KIRREL3: variants seen among roughly 807,000 people sequenced by gnomAD.
The protein encoded by KIRREL3 is kirre like nephrin family adhesion molecule 3.
KIRREL3 carries 36 observed loss-of-function variants against 89.7 expected under a neutral mutation model. That is an observed-to-expected ratio of 0.40 (90% CI 0.31 to 0.53). The LOEUF (loss-of-function observed/expected upper bound fraction) is 0.53, where lower values mean the gene tolerates loss of function less well. KIRREL3 is among the 20% of genes least tolerant of loss of function. KIRREL3 has a pLI of 0.49. For missense variants in KIRREL3, 864 were observed against 1,056.6 expected (o/e 0.82, Z 2.53); for synonymous variants, 445 against 441.4 (o/e 1.01, Z -0.10).
chr11:126,473,282 ACCCACC>A, intron 5 of KIRREL3, 21 bp downstream of exon 5: 3 of 477,042 alleles, frequency 6.3e-6, no homozygotes, highest in Non-Finnish European at 7.9e-6. Flanking sequence ...GCCCGTCCAC[ACCCACC>A]CCCTCCCCTC....
At chr11:126,616,029 G>A (rs972431675) in intron 1 of KIRREL3, among the ~76,000 whole-genome samples, 1 of 152,138 alleles carries the variant, frequency 6.6e-6, no homozygotes, top group Non-Finnish European at 1.5e-5. Flanking sequence ...TAGTGTGTCC[G>A]TTCACTTCAC....
chr11:126,660,726 T>A (rs1945360649), intron 1 of KIRREL3, among the ~76,000 whole-genome samples: 1 of 152,128 alleles, frequency 6.6e-6, no homozygotes, highest in Non-Finnish European at 1.5e-5. Flanking sequence ...CAGTAAACCA[T>A]AAAACTGTCC....
chr11:126,681,895 G>A, intron 1 of KIRREL3: 1 of 455,180 alleles, frequency 2.2e-6, no homozygotes, highest in Non-Finnish European at 4.4e-6. Flanking sequence ...GTACGTTTAG[G>A]AAGATGAAAT....
rs1439644782 is a variant in KIRREL3, at chr11:126,923,263, T to TCTTCTCCTTCTC, written c.55+77180_55+77191dup. Among the ~76,000 whole-genome samples the TCTTCTCCTTCTC allele has an allele frequency of 1.8e-4, 10 of 56,644 alleles. 2 individuals are homozygous for TCTTCTCCTTCTC. Among genetic ancestry groups the TCTTCTCCTTCTC allele is most frequent in the African/African-American group, 3.3e-4 (4 of 12,128 alleles). The allele number at this position is 56,644 out of a possible 152,430, so 37.2% of individuals were successfully genotyped here. A position where few individuals can be genotyped will look rare whatever the true frequency, so the allele number is the denominator to read the frequency against. ...TTCTTCTTCTTCTTCTTCTTCTTCT[T>TCTTCTCCTTCTC]CTTCTCCTTCTCCTTCTCCTTCTCC... is the stretch of plus-strand genomic sequence containing the variant. On this transcript the variant is annotated intron_variant, in intron 1 of 16. Coordinates refer to ENST00000525144, the MANE Select transcript of KIRREL3 (RefSeq NM_032531.4).
intron 1 of KIRREL3, among the ~76,000 whole-genome samples, chr11:126,813,415 A>T (rs971320846): frequency 6.6e-6 from 1 of 152,136 alleles, no homozygotes; most frequent in African/African-American, 2.4e-5. Flanking sequence ...TCCCTCACTA[A>T]GCTCCTTATC....
At position 126,647,784 on chromosome 11, in the gene KIRREL3, C is replaced by CTAAG. The variant is rs1944749572; in HGVS notation, c.56-84876_56-84873dup. ...CAGTCTGAGTAGTGCTTTTAAAAAC[C>CTAAG]TAAGTCAGAGGGAGCCGTTCCTTTG... On this transcript the variant is annotated intron_variant, in intron 1 of 16. Transcript: ENST00000525144. This position sits in a 1 kb window ranked among gnomAD's most constrained non-coding sequence, Gnocchi z 4.9. Among the ~76,000 whole-genome samples the CTAAG allele has an allele frequency of 6.6e-6, 1 of 152,162 alleles. No individual in the cohort carries two copies. The highest frequency in any genetic ancestry group is 6.5e-5 in the Admixed American group (1 of 15,276).
chr11:126,623,677 T>C lies in KIRREL3; in HGVS notation c.56-60765A>G, dbSNP rs1429278059. The stretch of plus-strand genomic sequence containing the variant: ...CAGGTTGTGTGCAGGGCAGCTCTGA[T>C]TGCTTTCTTAGCAGAAAGCACAAGA... On this transcript the variant is annotated intron_variant, in intron 1 of 16. Coordinates refer to ENST00000525144, the MANE Select transcript of KIRREL3 (RefSeq NM_032531.4). The surrounding 1 kb of genome is among the most constrained non-coding windows in gnomAD (Gnocchi z 4.1). Among the ~76,000 whole-genome samples, 1 of 152,144 alleles carries C rather than the reference T, an allele frequency of 6.6e-6. No individual in the cohort carries two copies. Among genetic ancestry groups the C allele is most frequent in the East Asian group, 1.9e-4 (1 of 5,180 alleles).
At position 126,656,580 on chromosome 11, in the gene KIRREL3, C is replaced by T. The variant is rs1945148316; in HGVS notation, c.56-93668G>A. ...CTGGGCACCGCCTGCCCAGCCCCTG[C>T]ACTGATTGTCTTACCCACAGGGGCA... On this transcript the variant is annotated intron_variant, in intron 1 of 16. Coordinates refer to ENST00000525144, the MANE Select transcript of KIRREL3 (RefSeq NM_032531.4). The surrounding 1 kb of genome is among the most constrained non-coding windows in gnomAD (Gnocchi z 4.0). Among the ~76,000 whole-genome samples the T allele has an allele frequency of 6.6e-6, 1 of 152,224 alleles. No homozygotes were observed. Among genetic ancestry groups the T allele is most frequent in the South Asian group, 2.1e-4 (1 of 4,828 alleles).
intron 4 of KIRREL3, among the ~76,000 whole-genome samples, chr11:126,494,446 T>A (rs1199820382): frequency 6.6e-6 from 1 of 152,252 alleles, no homozygotes; most frequent in East Asian, 1.9e-4. Flanking sequence ...TCCCTCTTGC[T>A]GCAGGGTCTA....
intron 1 of KIRREL3, among the ~76,000 whole-genome samples, chr11:126,753,206 C>T (rs865949984): frequency 3.3e-5 from 5 of 152,272 alleles, no homozygotes; most frequent in South Asian, 2.1e-4. Context: ...TTTGTTTGCC[C>T]GCTCCTTACA....
Position 126,446,855 on chromosome 11 carries a change from G to C in KIRREL3, c.1029C>G (p.Ser343=). The part of the protein sequence containing the change: ...FGPRMTTEPQ[S]LLVDLGSDAI... ...CATCAGAGCCCAGATCCACGAGCAA[G>C]GATTGGGGTTCTGTGGTCATCCGGG... Residue 343 remains serine, a synonymous_variant, in exon 9 of 17, where the codon TCC becomes TCG. Coordinates refer to ENST00000525144, the MANE Select transcript of KIRREL3 (RefSeq NM_032531.4). 1 of 1,604,406 alleles carries C rather than the reference G, an allele frequency of 6.2e-7. No homozygotes were observed. The highest frequency in any genetic ancestry group is 8.5e-7 in the Non-Finnish European group (1 of 1,175,574).
At position 126,501,036 on chromosome 11, in the gene KIRREL3, T is replaced by A. The variant is rs1488123881; in HGVS notation, c.433+20279A>T. Among the ~76,000 whole-genome samples the A allele has an allele frequency of 6.6e-6, 1 of 152,216 alleles. No individual in the cohort carries two copies. Among genetic ancestry groups the A allele is most frequent in the Non-Finnish European group, 1.5e-5 (1 of 68,036 alleles). On this transcript the variant is annotated intron_variant, in intron 4 of 16. Coordinates refer to ENST00000525144, the MANE Select transcript of KIRREL3 (RefSeq NM_032531.4). This position sits in a 1 kb window ranked among gnomAD's most constrained non-coding sequence, Gnocchi z 5.8. ...ACGCCCTCCACCCGCTGCCGAGACA[T>A]CTCCGTGTAGCTTTCCTGGCTCTGC...
intron 1 of KIRREL3, among the ~76,000 whole-genome samples, chr11:126,675,118 T>A (rs764921763): frequency 6.6e-6 from 1 of 152,328 alleles, no homozygotes; most frequent in Admixed American, 6.5e-5. Context: ...GGGAGAATGA[T>A]GTCAGCACCA....
chr11:126,618,753 C>A (rs1214806331), intron 1 of KIRREL3, among the ~76,000 whole-genome samples: 2 of 152,170 alleles, frequency 1.3e-5, no homozygotes, highest in Admixed American at 1.3e-4. Context: ...TATAGCAATG[C>A]GAGAACAACC....
chr11:126,921,665 TTATC>T (rs2134979286), intron 1 of KIRREL3, among the ~76,000 whole-genome samples: 1 of 151,706 alleles, frequency 6.6e-6, no homozygotes, highest in African/African-American at 2.4e-5. Context: ...TATCTATCTA[TTATC>T]TATCTGTAAT....
intron 7 of KIRREL3, among the ~76,000 whole-genome samples, chr11:126,451,037 ATG>A (rs925996447): frequency 1.1e-4 from 14 of 131,948 alleles, no homozygotes; most frequent in East Asian, 5.0e-4. Flanking sequence ...GCATGTGTAC[ATG>A]TGTGAGCATG....
At chr11:126,554,687 G>A (rs1939568446) in intron 2 of KIRREL3, among the ~76,000 whole-genome samples, 1 of 152,154 alleles carries the variant, frequency 6.6e-6, no homozygotes, top group Admixed American at 6.5e-5. Context: ...TGACTGGTAG[G>A]GGAGACAGGT....
At chr11:126,603,091 C>T (rs1436877142) in intron 1 of KIRREL3, among the ~76,000 whole-genome samples, 3 of 152,160 alleles carry the variant, frequency 2.0e-5, no homozygotes, top group Non-Finnish European at 4.4e-5. Context: ...GTCTGCCACA[C>T]TCCAAAAAAG....
At position 126,562,083 on chromosome 11, in the gene KIRREL3, T is replaced by C. The variant is rs868108748; in HGVS notation, c.133+752A>G. 1.3e-5 allele frequency among the ~76,000 whole-genome samples: 2 copies of C among 152,178 alleles called. No individual in the cohort carries two copies. The highest frequency in any genetic ancestry group is 2.9e-5 in the Non-Finnish European group (2 of 68,024). ...AATGAATAAATGGCATCCCCAGCCA[T>C]TGTTTATCTACTTTTGAATCCTGAC... On this transcript the variant is annotated intron_variant, in intron 2 of 16. Coordinates refer to ENST00000525144, the MANE Select transcript of KIRREL3 (RefSeq NM_032531.4). This position sits in a 1 kb window ranked among gnomAD's most constrained non-coding sequence, Gnocchi z 4.7.
Sources: allele counts gnomAD v4.1 joint callset (sites outside exome capture counted in the v4.1 genomes callset), GRCh38; gene constraint gnomAD v4.1.1; non-coding constraint Gnocchi (gnomAD v3.1); transcripts MANE v1.5; gene names NCBI Gene and HGNC (gene_info 2026-07-23, HGNC 2026-07-21).